ZDHHC11: variants seen among roughly 807,000 people sequenced by gnomAD.
ZDHHC11 encodes the protein zDHHC palmitoyltransferase 11, also known as palmitoyltransferase ZDHHC11.
Under a neutral mutation model 51.3 loss-of-function variants are expected in ZDHHC11, and 44 were observed. The ratio of observed to expected loss-of-function variants is 0.86; its 90% CI spans 0.67 to 1.10. The LOEUF (loss-of-function observed/expected upper bound fraction) is 1.10. ZDHHC11 is among the 50% of genes least tolerant of loss of function. ZDHHC11 has a pLI of 0.00. For missense variants in ZDHHC11, 400 were observed against 537.7 expected (o/e 0.74, Z 2.53); for synonymous variants, 163 against 222.0 (o/e 0.73, Z 2.36).
At chr5:852,055 C>CAAAA (rs111722785), upstream of ZDHHC11, among the ~76,000 whole-genome samples, 2 of 106,914 alleles carry the variant, frequency 1.9e-5, no homozygotes. Context: ...GACTCCATCT[C>CAAAA]AAAAAAAAAA....
At chr5:860,550 C>T (rs148206001), upstream of ZDHHC11, among the ~76,000 whole-genome samples, 5 of 152,196 alleles carry the variant, frequency 3.3e-5, no homozygotes, top group African/African-American at 9.6e-5. This position sits in a 1 kb window ranked among gnomAD's most constrained non-coding sequence, Gnocchi z 4.2. Context: ...ATACCTGAGA[C>T]GGAGTAATTT....
At chr5:831,434 T>G (rs1248548950) in intron 7 of ZDHHC11, among the ~76,000 whole-genome samples, 1 of 148,978 alleles carries the variant, frequency 6.7e-6, no homozygotes, top group Non-Finnish European at 1.5e-5. Flanking sequence ...GACACAAAAA[T>G]TAGCTGGGCG....
At chr5:834,566 T>C (rs1483165850) in intron 6 of ZDHHC11, among the ~76,000 whole-genome samples, 3 of 152,264 alleles carry the variant, frequency 2.0e-5, no homozygotes, top group Non-Finnish European at 4.4e-5. Flanking sequence ...TTTGTGTCTT[T>C]GTGTATTCTG....
At chr5:843,824 G>T (rs1481220764) in intron 3 of ZDHHC11, 100 bp from the exon 4 acceptor site, 5 of 619,698 alleles carry the variant, frequency 8.1e-6, no homozygotes, top group Admixed American at 9.3e-5. Context: ...GTGTGCACGG[G>T]GTGGGCAGGG....
At chr5:815,791 AATTT>A (rs1265594258) in intron 10 of ZDHHC11, among the ~76,000 whole-genome samples, 1 of 151,526 alleles carries the variant, frequency 6.6e-6, no homozygotes, top group Non-Finnish European at 1.5e-5. Flanking sequence ...TTTAAAAATT[AATTT>A]TTTTAAAGAT....
intron 11 of ZDHHC11, among the ~76,000 whole-genome samples, chr5:803,000 G>A (rs6555500): frequency 0.21 from 30,788 of 146,962 alleles, 4,710 homozygotes; most frequent in African/African-American, 0.42. Context: ...TAGCCTGGGC[G>A]ACAGAGCGAG....
At chr5:805,922 A>G (rs1739184020) in intron 11 of ZDHHC11, among the ~76,000 whole-genome samples, 1 of 151,172 alleles carries the variant, frequency 6.6e-6, no homozygotes, top group Non-Finnish European at 1.5e-5. Flanking sequence ...GTTAAGCACA[A>G]GGGTGGTAGC....
chr5:811,350 T>C (rs1740064636), intron 11 of ZDHHC11, among the ~76,000 whole-genome samples: 1 of 140,398 alleles, frequency 7.1e-6, no homozygotes. Context: ...AAGAGCATTT[T>C]CACACTAAGT....
intron 5 of ZDHHC11, among the ~76,000 whole-genome samples, chr5:837,703 C>T (rs867240536): frequency 6.6e-6 from 1 of 151,822 alleles, no homozygotes; most frequent in South Asian, 2.1e-4. Context: ...TCTGCAGCTG[C>T]GACCTGGGGA....
intron 8 of ZDHHC11, among the ~76,000 whole-genome samples, chr5:823,025 T>A (rs1454493281): frequency 6.7e-5 from 10 of 149,502 alleles, no homozygotes; most frequent in African/African-American, 2.5e-4. Context: ...CATGGTTCTT[T>A]AAATATTCTG....
At chr5:805,756 G>C (rs192081579) in intron 11 of ZDHHC11, among the ~76,000 whole-genome samples, 1 of 151,112 alleles carries the variant, frequency 6.6e-6, no homozygotes, top group Non-Finnish European at 1.5e-5. Context: ...AGGGATTGGC[G>C]GATTGGATTT....
intron 11 of ZDHHC11, 25 bp downstream of exon 11, chr5:814,736 G>A (rs375967254): frequency 1.3e-5 from 20 of 1,545,314 alleles, no homozygotes; most frequent in African/African-American, 1.1e-4. Flanking sequence ...CAGACAAAAC[G>A]TTCCCGTTAA....
chr5:804,579 A>G (rs1352806105), intron 11 of ZDHHC11, among the ~76,000 whole-genome samples: 3 of 151,390 alleles, frequency 2.0e-5, no homozygotes, highest in Non-Finnish European at 4.4e-5. Flanking sequence ...GGCATAGACA[A>G]CAAGAGAATT....
chr5:814,680 G>A, intron 11 of ZDHHC11, 81 bp downstream of exon 11: 4 of 1,368,304 alleles, frequency 2.9e-6, no homozygotes, highest in South Asian at 1.5e-5. Context: ...ATGTTAAATA[G>A]AGAACATATT....
chr5:805,697 T>A (rs868392099), intron 11 of ZDHHC11, among the ~76,000 whole-genome samples: 6 of 151,078 alleles, frequency 4.0e-5, no homozygotes, highest in African/African-American at 1.5e-4. Flanking sequence ...TTTAAACATT[T>A]TATATATATA....
intron 11 of ZDHHC11, among the ~76,000 whole-genome samples, chr5:809,014 C>CACACACATACAT (rs1554050773): frequency 7.2e-6 from 1 of 139,026 alleles, no homozygotes; most frequent in Non-Finnish European, 1.6e-5. Context: ...CACACACACA[C>CACACACATACAT]GCACACTATT....
In ZDHHC11 at chr5:816,386, G is replaced by A. The variant is rs547047978; in HGVS notation, c.1147-1591C>T. The A allele has an allele frequency of 2.2e-4, 87 of 401,842 alleles. 1 individual carries two copies. Among genetic ancestry groups the A allele is most frequent in the African/African-American group, 1.5e-3 (72 of 48,876 alleles). 24.9% of individuals were successfully genotyped at this position (401,842 alleles called of 1,614,324 possible). On this transcript the variant is annotated intron_variant, in intron 10 of 12. Transcript: ENST00000283441. ...GCACGGGCGGGAGGGGGGCGGTAGC[G>A]CAGGCGGTGGTGGGGTTGGCGGGGG...
chr5:850,442 G>A lies in ZDHHC11; in HGVS notation c.161C>T (p.Ser54Leu), dbSNP rs145802626. The change falls in exon 1 of 13, where the codon TCG becomes TTG. Residue 54 changes from serine (S) to leucine (L), a missense_variant. Ser to Leu is a moderately radical substitution (Grantham distance 145, BLOSUM62 -2). Coordinates refer to ENST00000283441, the MANE Select transcript of ZDHHC11 (RefSeq NM_024786.3). ...GGGAATGAAGATCCCGAAGGTGGCC[G>A]AGGAAAGGCCCACGAAGACAGCCCA... ...VTWAVFVGLSSATFGIFIPFL... is the reference protein window; with the variant it reads ...VTWAVFVGLSLATFGIFIPFL... The A allele has an allele frequency of 3.7e-4, 598 of 1,613,658 alleles. 1 individual carries two copies. The highest frequency in any genetic ancestry group is 3.0e-3 in the East Asian group (134 of 44,880).
chr5:842,842 C>T (rs535271631), intron 4 of ZDHHC11, among the ~76,000 whole-genome samples: 27 of 151,670 alleles, frequency 1.8e-4, no homozygotes, highest in Admixed American at 1.3e-3. Flanking sequence ...TGGCTCCCGG[C>T]GACCCCGGGC....
Sources: allele counts gnomAD v4.1 joint callset (sites outside exome capture counted in the v4.1 genomes callset), GRCh38; gene constraint gnomAD v4.1.1; non-coding constraint Gnocchi (gnomAD v3.1); transcripts MANE v1.5; gene names NCBI Gene and HGNC (gene_info 2026-07-23, HGNC 2026-07-21).